Variants in TEX14 observed in about 807,000 individuals in gnomAD.
TEX14 encodes the protein inactive serine/threonine-protein kinase TEX14.
TEX14 carries 168 observed loss-of-function variants against 178.6 expected under a neutral mutation model. The ratio of observed to expected loss-of-function variants is 0.94; its 90% CI spans 0.83 to 1.07. The LOEUF is 1.07. Among genes scored for constraint, TEX14 ranks in the 50% least tolerant of loss-of-function variants. The pLI, the probability that TEX14 is intolerant of heterozygous loss-of-function variation, is 0.00. For missense variants in TEX14, 1,730 were observed against 1,753.6 expected (o/e 0.99, Z 0.24); for synonymous variants, 626 against 634.1 (o/e 0.99, Z 0.19).
chr17:58,560,058 T>C (rs1239424588), intron 29 of TEX14, among the ~76,000 whole-genome samples: 1 of 152,228 alleles, frequency 6.6e-6, no homozygotes, highest in African/African-American at 2.4e-5. Context: ...TTTAAGACCA[T>C]GTTTGTCAAT....
Position 58,603,887 on chromosome 17 carries a change from C to CTGTGTGTGTGTGTGTGTGTGTG in TEX14, c.1336+1069_1336+1090dup, listed in dbSNP as rs71143257. On this transcript the variant is annotated intron_variant, in intron 11 of 31. Coordinates refer to ENST00000349033, the MANE Select transcript of TEX14 (RefSeq NM_031272.5). Reference sequence around the variant, plus strand: ...AAAAGCAGCCCTTAATGTGATTTTACTGTGTGTGTGTGTGTGTGTGTGTGT... The same window carrying CTGTGTGTGTGTGTGTGTGTGTG: ...AAAAGCAGCCCTTAATGTGATTTTACTGTGTGTGTGTGTGTGTGTGTGTGTGTGTGTGTGTGTGTGTGTGTGT... Among the ~76,000 whole-genome samples the CTGTGTGTGTGTGTGTGTGTGTG allele has an allele frequency of 1.3e-4, 14 of 105,290 alleles. No individual in the cohort carries two copies. In the East Asian group the frequency reaches 1.6e-3, roughly 12 times the overall value. The allele number at this position is 105,290 out of a possible 152,430, so 69.1% of individuals were successfully genotyped here.
chr17:58,645,261 T>C (rs2046677169), intron 2 of TEX14, among the ~76,000 whole-genome samples: 1 of 152,216 alleles, frequency 6.6e-6, no homozygotes, highest in Non-Finnish European at 1.5e-5. Flanking sequence ...CTGCTGGGAT[T>C]ACAGGCGTGA....
intron 3 of TEX14, among the ~76,000 whole-genome samples, chr17:58,623,492 G>C (rs2144554081): frequency 6.6e-6 from 1 of 152,098 alleles, no homozygotes; most frequent in Admixed American, 6.6e-5. Context: ...TCCTGTGGTA[G>C]AGCACAAAAC....
chr17:58,618,202 T>C (rs887984388), intron 5 of TEX14, among the ~76,000 whole-genome samples: 1 of 152,238 alleles, frequency 6.6e-6, no homozygotes. Context: ...ATAAAAATTT[T>C]ATTGTTTGAG....
chr17:58,568,414 C>G (rs1411364613), intron 26 of TEX14, among the ~76,000 whole-genome samples: 1 of 152,132 alleles, frequency 6.6e-6, no homozygotes, highest in Non-Finnish European at 1.5e-5. Flanking sequence ...TTTATGAAAC[C>G]CAAGACCTCA....
chr17:58,565,807 G>C lies in TEX14; in HGVS notation c.3904C>G (p.Gln1302Glu), dbSNP rs371605229. 1.2e-6 allele frequency: 2 copies of C among 1,607,422 alleles called. No homozygotes were observed. Among genetic ancestry groups the C allele is most frequent in the Non-Finnish European group, 1.7e-6 (2 of 1,177,312 alleles). Residue 1302 changes from glutamine (Q) to glutamate (E), a missense_variant, in exon 27 of 32, where the codon CAG (glutamine) becomes GAG (glutamate). Gln to Glu is a conservative substitution (Grantham distance 29). This residue lies in a region of TEX14 where 941 missense variants were observed against 1,072.4 expected (regional missense o/e 0.88). Transcript: ENST00000349033. Reference sequence around the variant, plus strand: ...TCATGCAACACCGTGGATGAGCCCTGCTGCTGTTTCAAGAGCTCTGTCACA... The same window carrying C: ...TCATGCAACACCGTGGATGAGCCCTCCTGCTGTTTCAAGAGCTCTGTCACA... ...LDDIELLKQQ[Q>E]GSSTVLHENT... is the part of the protein sequence containing the mutation.
At position 58,593,568 on chromosome 17, in the gene TEX14, G is replaced by T; in HGVS notation, c.2563C>A (p.Gln855Lys). ...ATGTTGACCCACCTACTGGTATTTT[G>T]GATCCTGCTTGTTTCCAAACTGTCC... The part of the protein sequence containing the change: ...AKDSLETSRI[Q>K]NTSSQGRPRE... Residue 855 changes from glutamine to lysine, a missense_variant, in exon 15 of 32, where the codon CAA becomes AAA. Physicochemically the swap from Gln to Lys is moderately conservative, Grantham distance 53. Around this residue, in one of 2 missense-constraint regions of TEX14, gnomAD observed 941 missense variants for 1,072.4 expected, o/e 0.88. Coordinates refer to ENST00000349033, the MANE Select transcript of TEX14 (RefSeq NM_031272.5). The T allele has an allele frequency of 6.2e-7, 1 of 1,613,718 alleles. No homozygotes were observed. The highest frequency in any genetic ancestry group is 8.5e-7 in the Non-Finnish European group (1 of 1,179,692).
chr17:58,577,051 A>G (rs373333841), intron 21 of TEX14, among the ~76,000 whole-genome samples: 2 of 152,214 alleles, frequency 1.3e-5, no homozygotes, highest in African/African-American at 4.8e-5. Flanking sequence ...CAGGAGTTAT[A>G]TTATTACTTT....
rs114183003 is a variant in TEX14, at chr17:58,647,205, C to T, written c.136+4661G>A. ...TTGAGCCACCGCGCCCAGCCTGGAA[C>T]GGCACAATTAAAGTGACAGAAAAAA... On this transcript the variant is annotated intron_variant, in intron 2 of 31. Coordinates refer to ENST00000349033, the MANE Select transcript of TEX14 (RefSeq NM_031272.5). Among the ~76,000 whole-genome samples the T allele has an allele frequency of 2.5e-3, 379 of 151,766 alleles. 2 individuals carry two copies. The highest frequency in any genetic ancestry group is 8.8e-3 in the African/African-American group (363 of 41,466).
In TEX14 at chr17:58,556,991, C is replaced by T. The variant is rs759115245; in HGVS notation, c.*20G>A. On this transcript the variant is annotated 3_prime_UTR_variant, in exon 32 of 32. Coordinates refer to ENST00000349033, the MANE Select transcript of TEX14 (RefSeq NM_031272.5). ...GACACTCAAACTCAGGCCAGGAGTC[C>T]GTCTATGATCCAATTCCAATCAGTC... 2.4e-5 allele frequency: 38 copies of T among 1,606,756 alleles called. No individual in the cohort carries two copies. Among genetic ancestry groups the T allele is most frequent in the South Asian group, 1.4e-4 (13 of 90,936 alleles).
intron 5 of TEX14, among the ~76,000 whole-genome samples, chr17:58,618,646 G>A (rs1366656485): frequency 1.3e-5 from 2 of 152,206 alleles, no homozygotes; most frequent in Non-Finnish European, 2.9e-5. Flanking sequence ...TTGGCAAATG[G>A]CAAAGGAGCT....
chr17:58,581,669 A>C (rs902208711), intron 19 of TEX14: 1 of 1,613,838 alleles, frequency 6.2e-7, no homozygotes, highest in Admixed American at 1.7e-5. Context: ...GTCTGGAGTT[A>C]AAAATTCATC....
At chr17:58,659,175 C>G (rs1043979262) in intron 1 of TEX14, among the ~76,000 whole-genome samples, 1 of 152,230 alleles carries the variant, frequency 6.6e-6, no homozygotes, top group East Asian at 1.9e-4. Flanking sequence ...AGCAGTCCCC[C>G]ACTACCACAA....
chr17:58,627,769 C>CAA lies in TEX14; in HGVS notation c.251+2669_251+2670dup, dbSNP rs34691705. Among the ~76,000 whole-genome samples, 184 of 66,736 alleles carry CAA rather than the reference C, an allele frequency of 2.8e-3. 4 individuals carry two copies. The highest frequency in any genetic ancestry group is 6.5e-3 in the Middle Eastern group (1 of 154). 43.8% of individuals were successfully genotyped at this position (66,736 alleles called of 152,430 possible). A position where few individuals can be genotyped will look rare whatever the true frequency, so the allele number is the denominator to read the frequency against. On this transcript the variant is annotated intron_variant, in intron 3 of 31. Transcript: ENST00000349033. ...TGGGTGACAGAGCAAGACTCTATCT[C>CAA]AAAAAAAAAAAAAAAAAAAAGTGGG...
At chr17:58,624,409 C>T (rs1341603019) in intron 3 of TEX14, among the ~76,000 whole-genome samples, 6 of 138,874 alleles carry the variant, frequency 4.3e-5, no homozygotes, top group African/African-American at 5.3e-5. Flanking sequence ...GGTGTGATCT[C>T]GGCTCACTGC....
rs753646954 is a variant in TEX14, at chr17:58,598,910, C to A, written c.2435G>T (p.Gly812Val). The A allele has an allele frequency of 1.2e-5, 20 of 1,613,074 alleles. 1 individual carries two copies. In the South Asian group the frequency reaches 2.2e-4, roughly 18 times the overall value. Residue 812 changes from glycine (G) to valine (V), a missense_variant, in exon 14 of 32, where the codon GGC becomes GTC. This residue lies in a region of TEX14 where 941 missense variants were observed against 1,072.4 expected (regional missense o/e 0.88). Transcript: ENST00000349033. ...AAATCTTGGTAGGGTTGGGTAGTTG[C>A]CACTGGTGTCTGGCTTCTGACCCCC... ...LSGGQKPDTS[G>V]NYPTLPRFPR...
chr17:58,640,533 C>T (rs2046547454), intron 2 of TEX14, among the ~76,000 whole-genome samples: 1 of 151,694 alleles, frequency 6.6e-6, no homozygotes, highest in African/African-American at 2.4e-5. Context: ...ACGTGCTAAG[C>T]ACTATTTCTA....
chr17:58,646,735 T>C (rs2046717027), intron 2 of TEX14, among the ~76,000 whole-genome samples: 1 of 152,182 alleles, frequency 6.6e-6, no homozygotes, highest in African/African-American at 2.4e-5. Flanking sequence ...GAATCTTGTG[T>C]GCTGACTTCA....
In TEX14 at chr17:58,569,699, G is replaced by A. The variant is rs910334872; in HGVS notation, c.3818-439C>T. 6.6e-6 allele frequency among the ~76,000 whole-genome samples: 1 copy of A among 152,078 alleles called. No individual in the cohort carries two copies. The highest frequency in any genetic ancestry group is 1.5e-5 in the Non-Finnish European group (1 of 68,034). On this transcript the variant is annotated intron_variant, in intron 25 of 31. Transcript: ENST00000349033. This position sits in a 1 kb window ranked among gnomAD's most constrained non-coding sequence, Gnocchi z 4.1. ...GGGATTTAGAGGCAACCACACTTTGGGTCTTGCCCCAAGTGCTCAATTATA... is the reference window on the plus strand; with the variant it reads ...GGGATTTAGAGGCAACCACACTTTGAGTCTTGCCCCAAGTGCTCAATTATA...
Sources: allele counts gnomAD v4.1 joint callset (sites outside exome capture counted in the v4.1 genomes callset), GRCh38; gene constraint gnomAD v4.1.1; regional missense constraint gnomAD v4.1.1; non-coding constraint Gnocchi (gnomAD v3.1); transcripts MANE v1.5; gene names NCBI Gene and HGNC (gene_info 2026-07-23, HGNC 2026-07-21).